The following RIPOR2 variants were observed in gnomAD, a reference collection of about 807,000 sequenced individuals.
RIPOR2 encodes the protein RHO family interacting cell polarization regulator 2.
In RIPOR2, 39 loss-of-function variants were observed where a neutral mutation model predicts 114.5. The observed-to-expected ratio is 0.34, with a 90% CI of 0.26 to 0.44. The LOEUF is 0.44. Ranked by LOEUF, RIPOR2 falls within the 20% of genes least tolerant of loss-of-function variation. RIPOR2 has a pLI of 1.00. For synonymous variants in RIPOR2, 445 were observed against 484.4 expected (o/e 0.92, Z 1.07); for missense variants, 1,007 against 1,255.1 (o/e 0.80, Z 2.99).
chr6:24,865,955 T>C (rs1233546836), intron 6 of RIPOR2, among the ~76,000 whole-genome samples: 5 of 152,196 alleles, frequency 3.3e-5, no homozygotes, highest in South Asian at 2.1e-4. Context: ...GTGAAAACTT[T>C]GTAGTATCCT....
intron 1 of RIPOR2, among the ~76,000 whole-genome samples, chr6:24,906,298 C>T (rs1561758426): frequency 6.6e-6 from 1 of 152,140 alleles, no homozygotes; most frequent in Non-Finnish European, 1.5e-5. Context: ...GCAAAACAGA[C>T]CCTCTGTGCC....
intron 1 of RIPOR2, chr6:24,976,550 T>G (rs1027149478): frequency 1.3e-5 from 21 of 1,595,250 alleles, no homozygotes; most frequent in Middle Eastern, 3.3e-4. Flanking sequence ...GTTAACAGAT[T>G]GGAGCTGTTT....
At chr6:25,008,141 C>T (rs2113669812) in intron 1 of RIPOR2, among the ~76,000 whole-genome samples, 1 of 152,282 alleles carries the variant, frequency 6.6e-6, no homozygotes, top group Non-Finnish European at 1.5e-5. Flanking sequence ...CAAACACATC[C>T]ACATGCTAGT....
intron 1 of RIPOR2, among the ~76,000 whole-genome samples, chr6:25,030,364 C>T (rs532592606): frequency 5.3e-5 from 8 of 152,226 alleles, no homozygotes; most frequent in Non-Finnish European, 1.2e-4. Context: ...CAGAGTCCCT[C>T]GTTTGCTCAG....
chr6:24,821,855 TATTGAAGC>T, intron 19 of RIPOR2, among the ~76,000 whole-genome samples: 2 of 152,372 alleles, frequency 1.3e-5, no homozygotes, highest in Admixed American at 1.3e-4. Context: ...ATTTCATCCC[TATTGAAGC>T]ATTGTTATAA....
chr6:24,849,444 T>G (rs1157879378), intron 11 of RIPOR2, among the ~76,000 whole-genome samples: 1 of 152,220 alleles, frequency 6.6e-6, no homozygotes, highest in Non-Finnish European at 1.5e-5. Flanking sequence ...TACCGCCTAT[T>G]GGACAGATAT....
intron 1 of RIPOR2, among the ~76,000 whole-genome samples, chr6:24,922,560 A>T (rs77711101): frequency 0.021 from 3,237 of 150,714 alleles, 62 homozygotes; most frequent in African/African-American, 0.049. Context: ...CTCTTTTTTT[A>T]AAAAAAATGT....
At chr6:25,005,651 C>T (rs1194700435) in intron 1 of RIPOR2, among the ~76,000 whole-genome samples, 2 of 135,762 alleles carry the variant, frequency 1.5e-5, no homozygotes, top group African/African-American at 5.2e-5. Context: ...GTGAATGTGG[C>T]AGGTATTTCC....
chr6:24,971,833 GC>G (rs1290440753), intron 1 of RIPOR2, among the ~76,000 whole-genome samples: 1 of 152,212 alleles, frequency 6.6e-6, no homozygotes, highest in African/African-American at 2.4e-5. Flanking sequence ...TTGAAAATCA[GC>G]AAATATAGTT....
At chr6:24,918,221 G>A (rs759272999) in intron 1 of RIPOR2, among the ~76,000 whole-genome samples, 12 of 151,822 alleles carry the variant, frequency 7.9e-5, no homozygotes, top group African/African-American at 2.7e-4. Flanking sequence ...CTTGTAACTC[G>A]TCTCATTGTA....
chr6:25,017,229 C>T (rs558922917), intron 1 of RIPOR2, among the ~76,000 whole-genome samples: 3 of 152,074 alleles, frequency 2.0e-5, no homozygotes, highest in Admixed American at 6.6e-5. Flanking sequence ...GGCTGAGGCA[C>T]GAAAATCACT....
chr6:24,978,137 C>T (rs892113888), intron 1 of RIPOR2, among the ~76,000 whole-genome samples: 4 of 152,104 alleles, frequency 2.6e-5, no homozygotes, highest in African/African-American at 9.7e-5. Flanking sequence ...TACTGTATTG[C>T]TCAAATATGA....
At chr6:24,820,958 C>T (rs6917709) in intron 19 of RIPOR2, among the ~76,000 whole-genome samples, 9,963 of 146,060 alleles carry the variant, frequency 0.068, 889 homozygotes, top group African/African-American at 0.2. Flanking sequence ...CTGCAAACTC[C>T]GCCTCCTGGG....
In RIPOR2 at chr6:24,895,439, A is replaced by T. The variant is rs1176918942; in HGVS notation, c.62-19622T>A. On this transcript the variant is annotated intron_variant, in intron 1 of 21. Transcript: ENST00000643898. ...GGTGGGGCCTGGGCATACGTACTTT[A>T]AAAAAAAAAAAAATCTTCTAGGGTT... Among the ~76,000 whole-genome samples the T allele has an allele frequency of 5.1e-5, 5 of 98,382 alleles. No homozygotes were observed. The East Asian group carries it at 1.1e-3, about 22-fold the overall frequency. 64.5% of individuals were successfully genotyped at this position (98,382 alleles called of 152,430 possible). A position where few individuals can be genotyped will look rare whatever the true frequency, so the allele number is the denominator to read the frequency against.
intron 16 of RIPOR2, among the ~76,000 whole-genome samples, chr6:24,830,907 G>C (rs1167888272): frequency 6.6e-6 from 1 of 151,882 alleles, no homozygotes; most frequent in African/African-American, 2.4e-5. Flanking sequence ...GTAGAGATGA[G>C]GTATTACCAT....
chr6:24,893,729 C>A (rs1415338577), intron 1 of RIPOR2, among the ~76,000 whole-genome samples: 6 of 152,186 alleles, frequency 3.9e-5, no homozygotes, highest in Non-Finnish European at 7.4e-5. Flanking sequence ...GGGGAGCATC[C>A]TTCTTGGATA....
At chr6:24,843,793 C>T (rs1202346257) in intron 12 of RIPOR2, among the ~76,000 whole-genome samples, 2 of 149,434 alleles carry the variant, frequency 1.3e-5, no homozygotes, top group African/African-American at 4.9e-5. Context: ...ATTGTTGAAT[C>T]TAGGTGAAAG....
intron 21 of RIPOR2, among the ~76,000 whole-genome samples, chr6:24,807,683 G>A (rs542383359): frequency 6.6e-6 from 1 of 152,320 alleles, no homozygotes; most frequent in Admixed American, 6.5e-5. Flanking sequence ...TAGGATGGCT[G>A]CTGTCATACT....
intron 8 of RIPOR2, among the ~76,000 whole-genome samples, chr6:24,855,602 C>T (rs1310899889): frequency 6.6e-6 from 1 of 152,178 alleles, no homozygotes; most frequent in Admixed American, 6.5e-5. Context: ...GGTACTTCAG[C>T]CTCCTTGAGT....
Sources: gnomAD v4.1 joint callset for allele counts (sites outside exome capture counted in the v4.1 genomes callset) on GRCh38, gnomAD v4.1.1 for gene constraint, MANE v1.5 for transcripts, NCBI Gene and HGNC (gene_info 2026-07-23, HGNC 2026-07-21) for gene names.